PTPRQ: variants seen among roughly 807,000 people sequenced by gnomAD.
The protein encoded by PTPRQ is protein tyrosine phosphatase receptor type Q, also known as phosphatidylinositol phosphatase PTPRQ.
A neutral mutation model predicts 246.0 loss-of-function variants in PTPRQ; 199 were observed. The ratio of observed to expected loss-of-function variants is 0.81; its 90% confidence interval spans 0.72 to 0.91. The LOEUF (loss-of-function observed/expected upper bound fraction) is 0.91, where lower values mean the gene tolerates loss of function less well. Ranked by LOEUF, PTPRQ falls within the 40% of genes least tolerant of loss-of-function variation. The pLI is 0.00. For missense variants in PTPRQ, 2,624 were observed against 2,528.4 expected (o/e 1.04, Z -0.81); for synonymous variants, 869 against 853.2 (o/e 1.02, Z -0.32).
chr12:80,552,451 G>T lies in PTPRQ; in HGVS notation c.4285+2717G>T, dbSNP rs972219913. ...TCAGGAACAAGGCAGGAGATACTAG[G>T]TTGGTGCAAAAGTAACTGCAGTTTT... On this transcript the variant is annotated intron_variant, in intron 25 of 44. Coordinates refer to ENST00000644991, the MANE Select transcript of PTPRQ (RefSeq NM_001145026.2). Among the ~76,000 whole-genome samples the T allele has an allele frequency of 5.9e-5, 9 of 151,600 alleles. No individual in the cohort carries two copies. The East Asian group carries it at 1.2e-3, about 20-fold the overall frequency.
rs1277464790 is a variant in PTPRQ at position 80,644,908 on chromosome 12, T to TTATC, written c.5916-3988_5916-3987insATCT. 5.3e-5 allele frequency among the ~76,000 whole-genome samples: 8 copies of TTATC among 152,186 alleles called. No individual in the cohort carries two copies. The East Asian group carries it at 1.2e-3, about 22-fold the overall frequency. ...GAGGAAGGAAATATCTAACTTTTATTTGAAATAGTCAGGTAATGTACCTCA... is the reference window on the plus strand; with the variant it reads ...GAGGAAGGAAATATCTAACTTTTATTTATCTGAAATAGTCAGGTAATGTACCTCA... On this transcript the variant is annotated intron_variant, in intron 35 of 44. Transcript: ENST00000644991.
intron 19 of PTPRQ, among the ~76,000 whole-genome samples, chr12:80,537,770 A>G (rs1252101979): frequency 6.6e-6 from 1 of 152,004 alleles, no homozygotes; most frequent in Non-Finnish European, 1.5e-5. Context: ...AGTTTTACCC[A>G]CTTATGTTTC....
rs141092471 is a variant in PTPRQ at position 80,660,070 on chromosome 12, C to A, written c.6192+2009C>A. The stretch of plus-strand genomic sequence containing the variant: ...TTTCCCCCTACCCCCAAATTTTATT[C>A]GAAAGCACTTCCAATTGAAAGTTTA... On this transcript the variant is annotated intron_variant, in intron 39 of 44. Coordinates refer to ENST00000644991, the MANE Select transcript of PTPRQ (RefSeq NM_001145026.2). 3.1e-3 allele frequency among the ~76,000 whole-genome samples: 475 copies of A among 152,062 alleles called. 3 individuals carry two copies. Among genetic ancestry groups the A allele is most frequent in the Middle Eastern group, 0.014 (4 of 294 alleles).
At chr12:80,642,837 G>A (rs1359820912) in intron 35 of PTPRQ, among the ~76,000 whole-genome samples, 1 of 145,388 alleles carries the variant, frequency 6.9e-6, no homozygotes, top group Non-Finnish European at 1.5e-5. Flanking sequence ...GGAGAATGGC[G>A]TGAACCCGGG....
intron 6 of PTPRQ, among the ~76,000 whole-genome samples, chr12:80,463,668 C>G (rs1168419562): frequency 1.3e-5 from 2 of 151,860 alleles, no homozygotes; most frequent in Non-Finnish European, 2.9e-5. Flanking sequence ...CAGTGGATCT[C>G]TCGGCAGAAA....
At chr12:80,484,983 G>GT (rs1368773010) in intron 9 of PTPRQ, among the ~76,000 whole-genome samples, 1 of 152,034 alleles carries the variant, frequency 6.6e-6, no homozygotes, top group Non-Finnish European at 1.5e-5. Context: ...GAAAGGCACA[G>GT]TAACTTTAGT....
chr12:80,454,426 T>G, intron 3 of PTPRQ: 1 of 664,938 alleles, frequency 1.5e-6, no homozygotes, highest in East Asian at 2.8e-5. Flanking sequence ...ACCCGGTACC[T>G]CAGATGGAAA....
chr12:80,470,950 A>G (rs1368954714), intron 7 of PTPRQ, among the ~76,000 whole-genome samples: 1 of 152,184 alleles, frequency 6.6e-6, no homozygotes, highest in Non-Finnish European at 1.5e-5. Flanking sequence ...ATTCTGAAAA[A>G]CTAGATTATT....
chr12:80,459,705 AGAGTGAGG>A (rs1893090680), intron 5 of PTPRQ, among the ~76,000 whole-genome samples: 1 of 152,176 alleles, frequency 6.6e-6, no homozygotes, highest in Non-Finnish European at 1.5e-5. Context: ...TGAGAATTCA[AGAGTGAGG>A]GATTAAAATC....
intron 25 of PTPRQ, among the ~76,000 whole-genome samples, chr12:80,563,427 A>T (rs909065221): frequency 2.0e-4 from 31 of 152,038 alleles, no homozygotes; most frequent in African/African-American, 7.2e-4. Context: ...CCCACTCGTG[A>T]GGGCAGAGCC....
At chr12:80,467,600 A>G (rs1159466085) in intron 6 of PTPRQ, among the ~76,000 whole-genome samples, 1 of 152,216 alleles carries the variant, frequency 6.6e-6, no homozygotes, top group Non-Finnish European at 1.5e-5. Flanking sequence ...AAGACTTGCA[A>G]CCAACCCAAA....
intron 25 of PTPRQ, among the ~76,000 whole-genome samples, chr12:80,579,500 C>T (rs1287098681): frequency 6.6e-6 from 1 of 152,162 alleles, no homozygotes; most frequent in Non-Finnish European, 1.5e-5. Context: ...CCCAGATCTT[C>T]TTCTCTGTCC....
intron 24 of PTPRQ, among the ~76,000 whole-genome samples, chr12:80,547,765 T>A (rs928524087): frequency 6.6e-6 from 1 of 152,126 alleles, no homozygotes; most frequent in Non-Finnish European, 1.5e-5. Flanking sequence ...TCAAAAATAT[T>A]TGGAAAGATC....
intron 32 of PTPRQ, among the ~76,000 whole-genome samples, chr12:80,620,950 A>C (rs1340491613): frequency 6.6e-6 from 1 of 151,886 alleles, no homozygotes; most frequent in Non-Finnish European, 1.5e-5. Context: ...TTATTTGCTA[A>C]ATTGATTATC....
At chr12:80,575,291 T>G (rs893223078) in intron 25 of PTPRQ, among the ~76,000 whole-genome samples, 1 of 152,164 alleles carries the variant, frequency 6.6e-6, no homozygotes, top group Non-Finnish European at 1.5e-5. Context: ...ATTTTTGTTC[T>G]AAAAATCTTT....
At position 80,680,263 on chromosome 12, in the gene PTPRQ, A is replaced by G. The variant is rs1565856893; in HGVS notation, c.*1240A>G. On this transcript the variant is annotated 3_prime_UTR_variant, in exon 45 of 45. Coordinates refer to ENST00000644991, the MANE Select transcript of PTPRQ (RefSeq NM_001145026.2). ...GAAATGCTATGGCCAATAAAATTGA[A>G]TTTTAATGAATTATCTTGCAGCATA... 1 of 151,470 alleles carries G rather than the reference A, an allele frequency of 6.6e-6. No homozygotes were observed. Among genetic ancestry groups the G allele is most frequent in the East Asian group, 1.9e-4 (1 of 5,168 alleles). The allele number at this position is 151,470 out of a possible 1,614,324, so 9.4% of individuals were successfully genotyped here.
intron 6 of PTPRQ, among the ~76,000 whole-genome samples, chr12:80,467,461 G>A (rs1893466758): frequency 6.6e-6 from 1 of 151,862 alleles, no homozygotes; most frequent in African/African-American, 2.4e-5. Flanking sequence ...ATTCCTCAGG[G>A]ATCTAGAACT....
At chr12:80,631,585 G>C (rs992025272) in intron 33 of PTPRQ, among the ~76,000 whole-genome samples, 2 of 152,016 alleles carry the variant, frequency 1.3e-5, no homozygotes, top group Non-Finnish European at 2.9e-5. Context: ...AATTTGTTTA[G>C]TTCCTTCCTC....
intron 25 of PTPRQ, among the ~76,000 whole-genome samples, chr12:80,553,054 A>G (rs1896534472): frequency 6.6e-6 from 1 of 152,112 alleles, no homozygotes; most frequent in Admixed American, 6.6e-5. Context: ...TCTAACAGAA[A>G]GCCTTGGACA....
Sources: allele counts gnomAD v4.1 joint callset (sites outside exome capture counted in the v4.1 genomes callset), GRCh38; gene constraint gnomAD v4.1.1; transcripts MANE v1.5; gene names NCBI Gene and HGNC (gene_info 2026-07-23, HGNC 2026-07-21).